PKP4: variants seen among roughly 807,000 people sequenced by gnomAD.
The protein encoded by PKP4 is plakophilin 4, also known as plakophilin-4.
A neutral mutation model predicts 145.1 loss-of-function variants in PKP4; 90 were observed. The ratio of observed to expected loss-of-function variants is 0.62; its 90% CI spans 0.52 to 0.74. PKP4 has a LOEUF of 0.74. Among genes scored for constraint, PKP4 ranks in the 30% least tolerant of loss-of-function variants. The probability of loss-of-function intolerance (pLI) is 0.00; values close to 1 mark genes in which losing one functional copy is unlikely to be tolerated. For missense variants in PKP4, 1,340 were observed against 1,482.7 expected, an observed-to-expected ratio of 0.90 and a Z score of 1.58; for synonymous variants, 563 against 577.2, an observed-to-expected ratio of 0.98 and a Z score of 0.35.
intron 20 of PKP4, 60 bp downstream of exon 20, chr2:158,676,927 G>C: frequency 6.2e-7 from 1 of 1,605,938 alleles, no homozygotes; most frequent in Non-Finnish European, 8.5e-7. Context: ...CCAGGCGCTT[G>C]GCCAGTGGCC....
rs545435051 is a variant in PKP4 at position 158,471,456 on chromosome 2, T to C, written c.-6+14238T>C. 3.3e-5 allele frequency among the ~76,000 whole-genome samples: 5 copies of C among 152,384 alleles called. No individual in the cohort carries two copies. In the South Asian group the frequency reaches 6.2e-4, roughly 19 times the overall value. The stretch of plus-strand genomic sequence containing the variant: ...TGCTCGTATTTTCTGGATCATGAGA[T>C]CTATTCACACTGAAATGTCTAACAT... On this transcript the variant is annotated intron_variant, in intron 1 of 21. Coordinates refer to ENST00000389759, the MANE Select transcript of PKP4 (RefSeq NM_003628.6).
chr2:158,663,709 G>A (rs1444477596), intron 15 of PKP4, among the ~76,000 whole-genome samples: 1 of 152,188 alleles, frequency 6.6e-6, no homozygotes, highest in South Asian at 2.1e-4. Flanking sequence ...AGAAGCCACA[G>A]GATGTATGTG....
intron 4 of PKP4, among the ~76,000 whole-genome samples, chr2:158,610,480 A>C (rs1472668760): frequency 6.6e-6 from 1 of 152,232 alleles, no homozygotes; most frequent in Non-Finnish European, 1.5e-5. Context: ...ATGAGCGAAA[A>C]TGCTATACAG....
chr2:158,487,794 A>G lies in PKP4; in HGVS notation c.-6+30576A>G, dbSNP rs572427570. 1.1e-4 allele frequency among the ~76,000 whole-genome samples: 17 copies of G among 150,916 alleles called. No individual in the cohort carries two copies. The East Asian group carries it at 3.1e-3, about 28-fold the overall frequency. On this transcript the variant is annotated intron_variant, in intron 1 of 21. Coordinates refer to ENST00000389759, the MANE Select transcript of PKP4 (RefSeq NM_003628.6). Reference sequence around the variant, plus strand: ...AAGACTGAGAGAGAGAGAGAGAGAGAAGAGAGAGAAGGGGGAGGGAGGGAG... The same window carrying G: ...AAGACTGAGAGAGAGAGAGAGAGAGGAGAGAGAGAAGGGGGAGGGAGGGAG...
chr2:158,517,459 T>G (rs778657007), intron 1 of PKP4, among the ~76,000 whole-genome samples: 1 of 152,228 alleles, frequency 6.6e-6, no homozygotes, highest in African/African-American at 2.4e-5. Flanking sequence ...CACTGCATTT[T>G]ATTGTAGTTT....
chr2:158,523,299 ACCT>A (rs1447084988), intron 1 of PKP4, among the ~76,000 whole-genome samples: 10 of 141,180 alleles, frequency 7.1e-5, no homozygotes, highest in Non-Finnish European at 1.2e-4. Flanking sequence ...CGGGCAGACT[ACCT>A]CCTCAAGTGG....
chr2:158,533,448 C>T, intron 2 of PKP4, 132 bp downstream of exon 2: 1 of 1,078,338 alleles, frequency 9.3e-7, no homozygotes. Context: ...GTGTTTACAT[C>T]CCTGAGTACA....
intron 1 of PKP4, among the ~76,000 whole-genome samples, chr2:158,510,675 G>A (rs1247309458): frequency 6.6e-6 from 1 of 152,212 alleles, no homozygotes; most frequent in Non-Finnish European, 1.5e-5. Flanking sequence ...AGAAGAGCAG[G>A]GCTGGAGTTC....
chr2:158,472,599 C>G (rs374778680), intron 1 of PKP4, among the ~76,000 whole-genome samples: 1 of 118,984 alleles, frequency 8.4e-6, no homozygotes. Flanking sequence ...GGACACAGAG[C>G]GAGGCTCCAT....
chr2:158,649,941 T>G (rs2055197829), intron 11 of PKP4, among the ~76,000 whole-genome samples: 1 of 152,224 alleles, frequency 6.6e-6, no homozygotes, highest in African/African-American at 2.4e-5. Flanking sequence ...ACAACTGGGT[T>G]GAAGATCTAG....
chr2:158,487,408 T>C (rs1432945057), intron 1 of PKP4, among the ~76,000 whole-genome samples: 1 of 152,208 alleles, frequency 6.6e-6, no homozygotes, highest in Non-Finnish European at 1.5e-5. Flanking sequence ...AAGAAATCCA[T>C]GATTTGCCCT....
chr2:158,605,574 G>T (rs530780640), intron 4 of PKP4, among the ~76,000 whole-genome samples: 1 of 151,782 alleles, frequency 6.6e-6, no homozygotes, highest in Non-Finnish European at 1.5e-5. Flanking sequence ...TTTTTTGTTT[G>T]TTTCTCTTAA....
rs386391605 is a variant in PKP4 at position 158,545,073 on chromosome 2, CTTTTTTTTTT to C, written c.132+11774_132+11783del. ...GAGCAGGCCTAACCTAAGTCTTTCA[CTTTTTTTTTT>C]TTTTTTTTTTTTTTTTGAGCCACTG... On this transcript the variant is annotated intron_variant, in intron 2 of 21. Transcript: ENST00000389759. Among the ~76,000 whole-genome samples, 12 of 72,510 alleles carry C rather than the reference CTTTTTTTTTT, an allele frequency of 1.7e-4. 1 individual carries two copies. Among genetic ancestry groups the C allele is most frequent in the South Asian group, 6.6e-4 (1 of 1,514 alleles). 47.6% of individuals were successfully genotyped at this position (72,510 alleles called of 152,430 possible). A position where few individuals can be genotyped will look rare whatever the true frequency, so the allele number is the denominator to read the frequency against.
At position 158,666,425 on chromosome 2, in the gene PKP4, A is replaced by G. The variant is rs2057089681; in HGVS notation, c.2590A>G (p.Ile864Val). 2 of 1,605,622 alleles carry G rather than the reference A, an allele frequency of 1.2e-6. No individual in the cohort carries two copies. Among genetic ancestry groups the G allele is most frequent in the Non-Finnish European group, 1.7e-6 (2 of 1,177,268 alleles). ...TTTTTCTCACTAGTTTGCAGCATAT[A>G]TCCGGGCGGCCGTCCGAAAAGAAAA... ...SAGNWKFAAY[I>V]RAAVRKEKGL... Residue 864 changes from isoleucine (I) to valine (V), a missense_variant, in exon 16 of 22, where the codon ATC becomes GTC. Transcript: ENST00000389759.
chr2:158,582,799 G>A (rs2048445017), intron 3 of PKP4, among the ~76,000 whole-genome samples: 1 of 152,152 alleles, frequency 6.6e-6, no homozygotes, highest in Non-Finnish European at 1.5e-5. Context: ...TTAACTAAGA[G>A]TAATTTTCCA....
intron 1 of PKP4, among the ~76,000 whole-genome samples, chr2:158,508,889 C>T (rs895863658): frequency 1.3e-5 from 2 of 152,134 alleles, no homozygotes; most frequent in Non-Finnish European, 2.9e-5. Context: ...TGTTCTCTTT[C>T]TTTGCACTGC....
intron 6 of PKP4, among the ~76,000 whole-genome samples, chr2:158,624,173 A>T (rs1260504935): frequency 6.6e-6 from 1 of 152,212 alleles, no homozygotes; most frequent in African/African-American, 2.4e-5. Context: ...ATAGATCAGA[A>T]GAGGTAAAAA....
intron 11 of PKP4, among the ~76,000 whole-genome samples, chr2:158,651,544 C>T (rs2055363884): frequency 6.6e-6 from 1 of 151,958 alleles, no homozygotes; most frequent in African/African-American, 2.4e-5. Flanking sequence ...CAGCATGTGC[C>T]GTCACCTCTT....
At chr2:158,543,493 T>C (rs2044700910) in intron 2 of PKP4, among the ~76,000 whole-genome samples, 1 of 152,164 alleles carries the variant, frequency 6.6e-6, no homozygotes, top group African/African-American at 2.4e-5. Flanking sequence ...CAGAGGCTAA[T>C]GGTGTCTCCA....
Sources: allele counts gnomAD v4.1 joint callset (sites outside exome capture counted in the v4.1 genomes callset), GRCh38; gene constraint gnomAD v4.1.1; transcripts MANE v1.5; gene names NCBI Gene and HGNC (gene_info 2026-07-23, HGNC 2026-07-21).